MZT2B: variants seen among roughly 807,000 people sequenced by gnomAD.
The protein encoded by MZT2B is mitotic-spindle organizing protein 2B.
In MZT2B, 11 loss-of-function variants were observed where a neutral mutation model predicts 12.1. That is an observed-to-expected ratio of 0.91 (90% CI 0.57 to 1.50). MZT2B has a LOEUF of 1.50. MZT2B is among the 40% of genes most tolerant of loss of function. The pLI is 0.00. For missense variants in MZT2B, 209 were observed against 227.7 expected (o/e 0.92, Z 0.53); for synonymous variants, 85 against 109.5 (o/e 0.78, Z 1.40).
chr2:130,184,481 C>G, intron 2 of MZT2B: 1 of 985,406 alleles, frequency 1.0e-6, no homozygotes, highest in Non-Finnish European at 1.2e-6. Flanking sequence ...CCTGAGTTAG[C>G]ACACTTTCCA....
rs1690227344 is a variant in MZT2B at position 130,190,552 on chromosome 2, C to T, written c.403C>T (p.Pro135Ser). 1.9e-6 allele frequency: 3 copies of T among 1,613,638 alleles called. No homozygotes were observed. Among genetic ancestry groups the T allele is most frequent in the South Asian group, 1.1e-5 (1 of 91,072 alleles). Residue 135 changes from proline (P) to serine (S), a missense_variant, in exon 3 of 3, where the codon CCA (proline) becomes TCA (serine). Physicochemically the swap from Pro to Ser is moderately conservative, Grantham distance 74. Coordinates refer to ENST00000281871, the MANE Select transcript of MZT2B (RefSeq NM_025029.5). ...SSREGSSQRM[P>S]RQPSATRLPK... The stretch of plus-strand genomic sequence containing the variant: ...CCGCGAAGGATCCAGCCAGAGGATG[C>T]CACGCCAGCCCAGCGCTACCAGGCT...
chr2:130,194,040 G>A (rs1175913950), downstream of MZT2B: 2 of 1,614,192 alleles, frequency 1.2e-6, no homozygotes, highest in Admixed American at 1.7e-5. Context: ...GTGGCCAGGG[G>A]GAAGTGGATG....
chr2:130,182,921 T>C, intron 2 of MZT2B, 146 bp downstream of exon 2: 2 of 1,157,052 alleles, frequency 1.7e-6, no homozygotes, highest in Non-Finnish European at 2.4e-6. Context: ...ATCCGTGGGC[T>C]CTGCTCCTGG....
At chr2:130,194,378 T>C (rs766455068), downstream of MZT2B, 1 of 1,612,980 alleles carries the variant, frequency 6.2e-7, no homozygotes, top group South Asian at 1.1e-5. Context: ...TGAGAGCCGC[T>C]CCATGAGCAG....
At chr2:130,203,048 C>CTTTTTTTTTTTTT in the MZT2B span, among the ~76,000 whole-genome samples, 41 of 118,512 alleles carry the variant, frequency 3.5e-4, no homozygotes, top group Non-Finnish European at 4.7e-4. Flanking sequence ...TTTCTTTTTT[C>CTTTTTTTTTTTTT]TTTTTTTTTT....
At chr2:130,187,287 C>T (rs1220450917) in intron 2 of MZT2B, among the ~76,000 whole-genome samples, 1 of 152,130 alleles carries the variant, frequency 6.6e-6, no homozygotes, top group Non-Finnish European at 1.5e-5. Context: ...ACCTCGTGGG[C>T]TCAGACAATC....
intron 2 of MZT2B, among the ~76,000 whole-genome samples, chr2:130,185,722 G>A (rs1690036417): frequency 7.6e-6 from 1 of 132,290 alleles, no homozygotes; most frequent in Admixed American, 8.2e-5. Context: ...GTATGTGAGG[G>A]TTGTGGCACT....
At chr2:130,204,191 C>T in the MZT2B span, 379 of 1,237,940 alleles carry the variant, frequency 3.1e-4, no homozygotes, top group African/African-American at 4.7e-3. Flanking sequence ...GCTTCAGAGA[C>T]ATTGAAATCC....
At chr2:130,198,497 CG>C in the MZT2B span, 1 of 1,109,108 alleles carries the variant, frequency 9.0e-7, no homozygotes, top group Non-Finnish European at 1.2e-6. Flanking sequence ...GCCATTGGCT[CG>C]GAGTTCCTGG....
the MZT2B span, among the ~76,000 whole-genome samples, chr2:130,203,331 C>G: frequency 6.6e-6 from 1 of 152,236 alleles, no homozygotes; most frequent in African/African-American, 2.4e-5. Context: ...TGACTCTGAG[C>G]TGGACCCAGA....
chr2:130,182,260 G>A, upstream of MZT2B: 1 of 1,287,976 alleles, frequency 7.8e-7, no homozygotes. Context: ...GGGGCGGAGC[G>A]CACCTTTCCG....
At chr2:130,194,105 C>T (rs1298438382), downstream of MZT2B, 2 of 1,614,166 alleles carry the variant, frequency 1.2e-6, no homozygotes, top group Non-Finnish European at 1.7e-6. Flanking sequence ...ATTCAGGGCC[C>T]CATCAAATCG....
upstream of MZT2B, chr2:130,182,183 A>G (rs1299369613): frequency 1.5e-5 from 19 of 1,257,984 alleles, no homozygotes; most frequent in Non-Finnish European, 1.9e-5. Flanking sequence ...CCGCCAGGGC[A>G]GCCCGGGAGG....
downstream of MZT2B, chr2:130,195,243 T>C (rs761734752): frequency 6.1e-5 from 99 of 1,613,166 alleles, no homozygotes; most frequent in Non-Finnish European, 8.2e-5. Flanking sequence ...AAAGAGACAG[T>C]GTGTACTGTG....
Position 130,182,261 on chromosome 2 carries a change from CA to C in MZT2B, c.-21del, listed in dbSNP as rs1689726111. Reference sequence around the variant, plus strand: ...CTAGGGGGCGCGGCGGGGCGGAGCGCACCTTTCCGCGGGCCGCGGGGATGGC... The same window carrying C: ...CTAGGGGGCGCGGCGGGGCGGAGCGCCCTTTCCGCGGGCCGCGGGGATGGC... On this transcript the variant is annotated 5_prime_UTR_variant, in exon 1 of 3. Coordinates refer to ENST00000281871, the MANE Select transcript of MZT2B (RefSeq NM_025029.5). 9 of 1,289,496 alleles carry C rather than the reference CA, an allele frequency of 7.0e-6. No individual in the cohort carries two copies. Among genetic ancestry groups the C allele is most frequent in the Non-Finnish European group, 8.8e-6 (9 of 1,026,678 alleles). 79.9% of individuals were successfully genotyped at this position (1,289,496 alleles called of 1,614,324 possible).
chr2:130,190,238 C>T (rs1313198989), intron 2 of MZT2B, among the ~76,000 whole-genome samples: 1 of 152,204 alleles, frequency 6.6e-6, no homozygotes, highest in Non-Finnish European at 1.5e-5. Context: ...CATGGCTTTG[C>T]TCCTAGGACA....
chr2:130,186,259 A>G (rs1690060675), intron 2 of MZT2B, among the ~76,000 whole-genome samples: 1 of 152,126 alleles, frequency 6.6e-6, no homozygotes. Context: ...TCTGAGCTGC[A>G]GCAGGCACCC....
chr2:130,194,645 G>T (rs1447503470), downstream of MZT2B, among the ~76,000 whole-genome samples: 3 of 152,188 alleles, frequency 2.0e-5, no homozygotes, highest in Non-Finnish European at 4.4e-5. Flanking sequence ...AATCACCATT[G>T]CAGACTCAGT....
intron 2 of MZT2B, among the ~76,000 whole-genome samples, chr2:130,186,399 T>C (rs1413219358): frequency 6.6e-6 from 1 of 152,176 alleles, no homozygotes; most frequent in African/African-American, 2.4e-5. Context: ...ATGCTTGTCT[T>C]GGTGAGAGTC....
Sources: allele counts gnomAD v4.1 joint callset (sites outside exome capture counted in the v4.1 genomes callset), GRCh38; gene constraint gnomAD v4.1.1; transcripts MANE v1.5; gene names NCBI Gene and HGNC (gene_info 2026-07-23, HGNC 2026-07-21).